Variants in GRIN2A observed in about 807,000 individuals in gnomAD.
GRIN2A encodes the protein glutamate ionotropic receptor NMDA type subunit 2A, also known as glutamate receptor ionotropic, NMDA 2A.
In GRIN2A, 22 loss-of-function variants were observed where a neutral mutation model predicts 113.4. The observed-to-expected ratio is 0.19, with a 90% CI of 0.14 to 0.28. The LOEUF is 0.28. GRIN2A is among the 10% of genes least tolerant of loss of function. The pLI is 1.00. For synonymous variants in GRIN2A, 827 were observed against 738.4 expected, an observed-to-expected ratio of 1.12 and a Z score of -1.94; for missense variants, 1,502 against 1,887.0, an observed-to-expected ratio of 0.80 and a Z score of 3.78.
chr16:10,125,706 C>T lies in GRIN2A; in HGVS notation c.414+54292G>A, dbSNP rs557320269. On this transcript the variant is annotated intron_variant, in intron 2 of 12. Coordinates refer to ENST00000330684, the MANE Select transcript of GRIN2A (RefSeq NM_001134407.3). ...TGCTAAGCCCCAGGCCTACAGGAGGCTGGATGGCCCAGGGGAAGAGGCTGC... is the reference window on the plus strand; with the variant it reads ...TGCTAAGCCCCAGGCCTACAGGAGGTTGGATGGCCCAGGGGAAGAGGCTGC... 6.6e-5 allele frequency among the ~76,000 whole-genome samples: 10 copies of T among 151,628 alleles called. No individual in the cohort carries two copies. The South Asian group carries it at 2.1e-3, about 32-fold the overall frequency.
intron 4 of GRIN2A, among the ~76,000 whole-genome samples, chr16:9,857,021 G>A (rs1390444961): frequency 1.3e-5 from 2 of 152,156 alleles, no homozygotes; most frequent in African/African-American, 4.8e-5. Context: ...TAATGGCGTG[G>A]TGTTCTACCT....
At chr16:9,982,421 T>C (rs2045908270) in intron 2 of GRIN2A, among the ~76,000 whole-genome samples, 1 of 152,220 alleles carries the variant, frequency 6.6e-6, no homozygotes, top group Non-Finnish European at 1.5e-5. Flanking sequence ...ATATTCCAAT[T>C]CTACTATTCC....
Position 10,041,031 on chromosome 16 carries a change from C to T in GRIN2A, c.415-102480G>A, listed in dbSNP as rs1313090598. Reference sequence around the variant, plus strand: ...GGCAAAGTAACCCAGGTTAAGGCACCCCCTCACCTCCAATACACAGGTGGT... The same window carrying T: ...GGCAAAGTAACCCAGGTTAAGGCACTCCCTCACCTCCAATACACAGGTGGT... On this transcript the variant is annotated intron_variant, in intron 2 of 12. Transcript: ENST00000330684. Among the ~76,000 whole-genome samples, 4 of 152,370 alleles carry T rather than the reference C, an allele frequency of 2.6e-5. No individual in the cohort carries two copies. The East Asian group carries it at 5.8e-4, about 22-fold the overall frequency.
At chr16:9,968,591 G>T (rs1323704062) in intron 2 of GRIN2A, among the ~76,000 whole-genome samples, 1 of 151,844 alleles carries the variant, frequency 6.6e-6, no homozygotes, top group Non-Finnish European at 1.5e-5. Context: ...GGAATTACAG[G>T]CATGAGCCAC....
chr16:9,788,944 A>G lies in GRIN2A; in HGVS notation c.2356+9333T>C, dbSNP rs1376093110. Among the ~76,000 whole-genome samples, 9 of 152,072 alleles carry G rather than the reference A, an allele frequency of 5.9e-5. No individual in the cohort carries two copies. In the East Asian group the frequency reaches 1.6e-3, roughly 26 times the overall value. On this transcript the variant is annotated intron_variant, in intron 11 of 12. Coordinates refer to ENST00000330684, the MANE Select transcript of GRIN2A (RefSeq NM_001134407.3). ...TTTTTAGTAGAGAAGGGGTTTCACC[A>G]TATTGGCCAGGCTGGTCTCGAACTC... is the stretch of plus-strand genomic sequence containing the variant.
intron 10 of GRIN2A, among the ~76,000 whole-genome samples, chr16:9,802,043 G>C (rs1013593781): frequency 6.6e-6 from 1 of 152,134 alleles, no homozygotes; most frequent in South Asian, 2.1e-4. Flanking sequence ...GTCAGAAAGG[G>C]CTATTATTAA....
At chr16:10,025,551 C>G (rs2046804637) in intron 2 of GRIN2A, among the ~76,000 whole-genome samples, 1 of 152,094 alleles carries the variant, frequency 6.6e-6, no homozygotes, top group Non-Finnish European at 1.5e-5. Flanking sequence ...ATCCTCCTGC[C>G]TCGGCCTCCC....
At chr16:9,776,735 C>T (rs1377307275) in intron 11 of GRIN2A, among the ~76,000 whole-genome samples, 1 of 151,832 alleles carries the variant, frequency 6.6e-6, no homozygotes, top group Non-Finnish European at 1.5e-5. Context: ...GGTAACTGAC[C>T]CCATTTCAAT....
intron 2 of GRIN2A, among the ~76,000 whole-genome samples, chr16:10,119,707 G>A (rs1443101188): frequency 2.0e-5 from 3 of 152,180 alleles, no homozygotes; most frequent in Non-Finnish European, 4.4e-5. Context: ...GTACCTGACA[G>A]GTAGTTTTTT....
chr16:9,971,926 T>G (rs928733854), intron 2 of GRIN2A, among the ~76,000 whole-genome samples: 4 of 152,322 alleles, frequency 2.6e-5, no homozygotes, highest in Admixed American at 2.6e-4. Context: ...TTTTGCCACC[T>G]AGGTCTGACA....
intron 10 of GRIN2A, among the ~76,000 whole-genome samples, chr16:9,803,606 A>G (rs1024690334): frequency 6.6e-6 from 1 of 152,216 alleles, no homozygotes; most frequent in Non-Finnish European, 1.5e-5. Context: ...TATGGATCCT[A>G]TAGGAGAAAT....
At chr16:9,847,282 C>A (rs891300629) in intron 5 of GRIN2A, among the ~76,000 whole-genome samples, 36 of 152,054 alleles carry the variant, frequency 2.4e-4, no homozygotes, top group Admixed American at 4.6e-4. Flanking sequence ...GGAAGCCGGA[C>A]ACAGTGGCTC....
chr16:9,920,733 A>AT (rs1365627708), intron 3 of GRIN2A, among the ~76,000 whole-genome samples: 5 of 151,918 alleles, frequency 3.3e-5, no homozygotes, highest in Admixed American at 1.3e-4. Context: ...CTCCCGGCTA[A>AT]TTTTTTTGTA....
Position 10,046,317 on chromosome 16 carries a change from AT to A in GRIN2A, c.415-107767del, listed in dbSNP as rs2047256475. Among the ~76,000 whole-genome samples the A allele has an allele frequency of 5.1e-5, 7 of 136,124 alleles. No homozygotes were observed. The South Asian group carries it at 2.0e-3, about 39-fold the overall frequency. 89.3% of individuals were successfully genotyped at this position (136,124 alleles called of 152,430 possible). On this transcript the variant is annotated intron_variant, in intron 2 of 12. Transcript: ENST00000330684. Reference sequence around the variant, plus strand: ...CAGCCAATAAAAAAGGATGAAATACATTTTTAAATTGTTTTTTTTTTTTTCT... The same window carrying A: ...CAGCCAATAAAAAAGGATGAAATACATTTTAAATTGTTTTTTTTTTTTTCT...
At chr16:9,955,427 C>T (rs2045282143) in intron 2 of GRIN2A, among the ~76,000 whole-genome samples, 1 of 152,082 alleles carries the variant, frequency 6.6e-6, no homozygotes, top group African/African-American at 2.4e-5. Flanking sequence ...TCCATACCCT[C>T]ACGGATTAGG....
At chr16:10,020,519 C>A (rs1167487105) in intron 2 of GRIN2A, among the ~76,000 whole-genome samples, 1 of 152,160 alleles carries the variant, frequency 6.6e-6, no homozygotes, top group East Asian at 1.9e-4. Flanking sequence ...TTTAGTGCAG[C>A]AGGCTGCAGC....
At chr16:10,021,512 T>C (rs907870604) in intron 2 of GRIN2A, among the ~76,000 whole-genome samples, 14 of 152,266 alleles carry the variant, frequency 9.2e-5, no homozygotes, top group Admixed American at 5.2e-4. Context: ...TTCCCCCAGT[T>C]ACCAATGGTA....
intron 11 of GRIN2A, among the ~76,000 whole-genome samples, chr16:9,795,026 T>C (rs973718534): frequency 4.6e-5 from 7 of 151,950 alleles, no homozygotes; most frequent in Non-Finnish European, 8.8e-5. Flanking sequence ...ATGATGATGA[T>C]GATGACGGTG....
chr16:10,147,650 A>G (rs987559571), intron 2 of GRIN2A, among the ~76,000 whole-genome samples: 26 of 145,128 alleles, frequency 1.8e-4, no homozygotes, highest in African/African-American at 5.0e-4. Flanking sequence ...AAAAAAAAAA[A>G]AAGAAGAAGA....
Sources: gnomAD v4.1 joint callset for allele counts (sites outside exome capture counted in the v4.1 genomes callset) on GRCh38, gnomAD v4.1.1 for gene constraint, MANE v1.5 for transcripts, NCBI Gene and HGNC (gene_info 2026-07-23, HGNC 2026-07-21) for gene names.